IMPG1: variants seen among roughly 807,000 people sequenced by gnomAD.
The protein encoded by IMPG1 is interphotoreceptor matrix proteoglycan of 150 kDa.
A neutral mutation model predicts 92.0 loss-of-function variants in IMPG1; 85 were observed. That is an observed-to-expected ratio of 0.92 (90% CI 0.78 to 1.11). IMPG1 has a LOEUF of 1.11. IMPG1 is among the 50% of genes least tolerant of loss of function. The pLI, the probability that IMPG1 is intolerant of heterozygous loss-of-function variation, is 0.00. For missense variants in IMPG1, 1,022 were observed against 956.0 expected, an observed-to-expected ratio of 1.07 and a Z score of -0.91; for synonymous variants, 367 against 334.1, an observed-to-expected ratio of 1.10 and a Z score of -1.08.
chr6:76,063,695 T>A (rs1035006343), intron 1 of IMPG1, among the ~76,000 whole-genome samples: 1 of 152,204 alleles, frequency 6.6e-6, no homozygotes, highest in Non-Finnish European at 1.5e-5. Context: ...GCCCTTGTGT[T>A]TCCACATTGC....
At chr6:76,066,621 C>A (rs572447756) in intron 1 of IMPG1, among the ~76,000 whole-genome samples, 1 of 152,230 alleles carries the variant, frequency 6.6e-6, no homozygotes, top group South Asian at 2.1e-4. Context: ...TAACATTCCA[C>A]TGGCAACACT....
At chr6:75,945,290 A>G (rs1042632155) in intron 14 of IMPG1, among the ~76,000 whole-genome samples, 1 of 152,024 alleles carries the variant, frequency 6.6e-6, no homozygotes, top group East Asian at 1.9e-4. Flanking sequence ...TAAGTATTGT[A>G]AATATTCTTT....
At chr6:76,038,094 G>A (rs1415213886) in intron 2 of IMPG1, among the ~76,000 whole-genome samples, 1 of 152,154 alleles carries the variant, frequency 6.6e-6, no homozygotes, top group Non-Finnish European at 1.5e-5. Flanking sequence ...TGTAGCCTGA[G>A]GATGCATCAT....
At chr6:75,932,983 G>A (rs1244162451) in intron 14 of IMPG1, among the ~76,000 whole-genome samples, 3 of 152,156 alleles carry the variant, frequency 2.0e-5, no homozygotes, top group East Asian at 1.9e-4. Flanking sequence ...TTACAGGCGT[G>A]AGCCACCGCG....
intron 12 of IMPG1, among the ~76,000 whole-genome samples, chr6:75,994,823 T>C (rs928361211): frequency 6.6e-6 from 1 of 152,212 alleles, no homozygotes; most frequent in Non-Finnish European, 1.5e-5. Flanking sequence ...TACCAGTCTT[T>C]TCCTTTGTAT....
rs1782451021 is a variant in IMPG1 at position 75,973,191 on chromosome 6, G to A, written c.1292-22097C>T. ...GACGGGTTCTCACTCTGTTGCCCAGGCTGGTCTCAAACTCCTGGCCTCAAG... is the reference window on the plus strand; with the variant it reads ...GACGGGTTCTCACTCTGTTGCCCAGACTGGTCTCAAACTCCTGGCCTCAAG... On this transcript the variant is annotated intron_variant, in intron 12 of 16. Coordinates refer to ENST00000369950, the MANE Select transcript of IMPG1 (RefSeq NM_001563.4). Among the ~76,000 whole-genome samples, 3 of 152,076 alleles carry A rather than the reference G, an allele frequency of 2.0e-5. No homozygotes were observed. In the South Asian group the frequency reaches 6.2e-4, roughly 32 times the overall value.
chr6:76,067,403 G>A (rs991890608), intron 1 of IMPG1, among the ~76,000 whole-genome samples: 1 of 152,044 alleles, frequency 6.6e-6, no homozygotes, highest in Admixed American at 6.6e-5. Context: ...AAACTTCTGT[G>A]AGCATCTCTA....
At chr6:75,968,058 A>C (rs966336170) in intron 12 of IMPG1, among the ~76,000 whole-genome samples, 2 of 152,234 alleles carry the variant, frequency 1.3e-5, no homozygotes, top group Non-Finnish European at 2.9e-5. Flanking sequence ...AATCTGTCCA[A>C]GAAGCTGTGG....
chr6:76,025,382 C>T (rs1783507567), intron 4 of IMPG1, 124 bp from the exon 5 acceptor site: 2 of 475,728 alleles, frequency 4.2e-6, no homozygotes, highest in South Asian at 8.2e-5. Context: ...TACTTTAAAA[C>T]TAGATTGACC....
At chr6:76,041,056 T>C (rs1398639987) in intron 2 of IMPG1, among the ~76,000 whole-genome samples, 3 of 152,158 alleles carry the variant, frequency 2.0e-5, no homozygotes, top group Non-Finnish European at 2.9e-5. Context: ...GTAAGATAAA[T>C]TGAATTTAAG....
At chr6:75,931,989 C>G (rs979341062) in intron 14 of IMPG1, among the ~76,000 whole-genome samples, 7 of 152,248 alleles carry the variant, frequency 4.6e-5, no homozygotes, top group African/African-American at 1.7e-4. Context: ...AGAACCAGAA[C>G]AGGCCTCTTG....
At chr6:75,980,783 T>C (rs1460287154) in intron 12 of IMPG1, among the ~76,000 whole-genome samples, 2 of 152,208 alleles carry the variant, frequency 1.3e-5, no homozygotes, top group Non-Finnish European at 2.9e-5. Context: ...AGATGGCCTA[T>C]TGTGGGACTT....
chr6:76,004,443 A>G (rs1487201046), intron 10 of IMPG1, among the ~76,000 whole-genome samples: 1 of 152,180 alleles, frequency 6.6e-6, no homozygotes, highest in Non-Finnish European at 1.5e-5. Flanking sequence ...TTTCTTGCCT[A>G]TGAATTTCCC....
chr6:76,066,772 C>T (rs1317721147), intron 1 of IMPG1, among the ~76,000 whole-genome samples: 1 of 152,048 alleles, frequency 6.6e-6, no homozygotes, highest in East Asian at 1.9e-4. Flanking sequence ...GTGCATGGAA[C>T]ATTTTCCAAG....
At chr6:75,933,331 G>A (rs1038714265) in intron 14 of IMPG1, among the ~76,000 whole-genome samples, 2 of 152,128 alleles carry the variant, frequency 1.3e-5, no homozygotes, top group African/African-American at 2.4e-5. Flanking sequence ...GCCTGGATTT[G>A]TTTGAATTCC....
In IMPG1 at chr6:75,974,383, CTTT is replaced by C. The variant is rs1562354693; in HGVS notation, c.1292-23292_1292-23290del. On this transcript the variant is annotated intron_variant, in intron 12 of 16. Transcript: ENST00000369950. The stretch of plus-strand genomic sequence containing the variant: ...TCTTTCTTTCTTTCTTTCTTTCTTT[CTTT>C]CTTTCTTTTCTTTCTTTCCTTCCTT... 5.0e-3 allele frequency among the ~76,000 whole-genome samples: 373 copies of C among 75,342 alleles called. 4 individuals carry two copies. Among genetic ancestry groups the C allele is most frequent in the African/African-American group, 0.012 (240 of 19,626 alleles). 49.4% of individuals were successfully genotyped at this position (75,342 alleles called of 152,430 possible). A position where few individuals can be genotyped will look rare whatever the true frequency, so the allele number is the denominator to read the frequency against.
intron 12 of IMPG1, among the ~76,000 whole-genome samples, chr6:75,968,690 T>G (rs1419716041): frequency 6.6e-6 from 1 of 152,160 alleles, no homozygotes; most frequent in African/African-American, 2.4e-5. Context: ...GTTTTCTTCA[T>G]AGATGTTATT....
At chr6:75,984,543 T>C (rs939856245) in intron 12 of IMPG1, among the ~76,000 whole-genome samples, 2 of 152,248 alleles carry the variant, frequency 1.3e-5, no homozygotes, top group African/African-American at 4.8e-5. Flanking sequence ...GTAGAGAGTG[T>C]TCTTACTGCA....
chr6:75,935,099 G>A (rs1484460015), intron 14 of IMPG1: 1 of 454,894 alleles, frequency 2.2e-6, no homozygotes, highest in Non-Finnish European at 4.6e-6. Flanking sequence ...TCGCTAGATG[G>A]CGCTCAATAG....
Sources: gnomAD v4.1 joint callset for allele counts (sites outside exome capture counted in the v4.1 genomes callset) on GRCh38, gnomAD v4.1.1 for gene constraint, MANE v1.5 for transcripts, NCBI Gene and HGNC (gene_info 2026-07-23, HGNC 2026-07-21) for gene names.